FOXP2: variants seen among roughly 807,000 people sequenced by gnomAD.
FOXP2 encodes forkhead box P2.
FOXP2 carries 12 observed loss-of-function variants against 115.8 expected under a neutral mutation model. That is an observed-to-expected ratio of 0.10 (90% CI 0.07 to 0.17). FOXP2 has a LOEUF of 0.17. FOXP2 is among the 10% of genes least tolerant of loss of function. FOXP2 has a pLI of 1.00. For synonymous variants in FOXP2, 328 were observed against 297.7 expected, an observed-to-expected ratio of 1.10 and a Z score of -1.05; for missense variants, 629 against 843.5, an observed-to-expected ratio of 0.75 and a Z score of 3.15.
intron 1 of FOXP2, among the ~76,000 whole-genome samples, chr7:114,088,454 C>T (rs937760549): frequency 1.3e-4 from 20 of 152,184 alleles, no homozygotes; most frequent in African/African-American, 4.8e-4. Context: ...AAAGTGACGC[C>T]CTGTTGTCAA....
At chr7:114,634,248 G>A (rs1805091593) in intron 6 of FOXP2, among the ~76,000 whole-genome samples, 1 of 151,974 alleles carries the variant, frequency 6.6e-6, no homozygotes, top group African/African-American at 2.4e-5. Context: ...CGCCTGCCTC[G>A]GCCTCCCAAA....
rs1000906437 is a variant in FOXP2, at chr7:114,481,185, A to G, written c.169-53432A>G. ...GTCATTATGTGTATATAAAATTGCA[A>G]TCATCCCATTTCCTTTTGGAGTTTT... is the stretch of plus-strand genomic sequence containing the variant. On this transcript the variant is annotated intron_variant, in intron 2 of 16. Transcript: ENST00000350908. 2.0e-5 allele frequency among the ~76,000 whole-genome samples: 3 copies of G among 151,186 alleles called. No individual in the cohort carries two copies. The East Asian group carries it at 5.8e-4, about 29-fold the overall frequency.
At chr7:114,318,383 T>G (rs1797325504) in intron 2 of FOXP2, among the ~76,000 whole-genome samples, 2 of 115,078 alleles carry the variant, frequency 1.7e-5, no homozygotes, top group African/African-American at 4.3e-5. Context: ...CTCTTTGTTT[T>G]TTTTTTTTTT....
chr7:114,306,772 A>G (rs1299988835), intron 2 of FOXP2, among the ~76,000 whole-genome samples: 2 of 152,234 alleles, frequency 1.3e-5, no homozygotes, highest in South Asian at 2.1e-4. Context: ...GTGCAAGGGA[A>G]GAATCCGATT....
chr7:114,602,007 A>T (rs887984770), intron 3 of FOXP2, among the ~76,000 whole-genome samples: 1 of 152,054 alleles, frequency 6.6e-6, no homozygotes, highest in African/African-American at 2.4e-5. Context: ...TAGATCATGT[A>T]TTAATTGTGT....
chr7:114,319,647 T>C (rs1246452822), intron 2 of FOXP2, among the ~76,000 whole-genome samples: 8 of 152,086 alleles, frequency 5.3e-5, no homozygotes, highest in Admixed American at 4.6e-4. Flanking sequence ...CCCACCCCCA[T>C]GAATCAGTCA....
chr7:114,110,009 A>C (rs1404324176), intron 1 of FOXP2, among the ~76,000 whole-genome samples: 1 of 152,186 alleles, frequency 6.6e-6, no homozygotes, highest in African/African-American at 2.4e-5. Flanking sequence ...ACAACAACAA[A>C]AAAAGTCTTC....
intron 16 of FOXP2, among the ~76,000 whole-genome samples, chr7:114,684,608 T>C (rs1808261596): frequency 1.3e-5 from 2 of 152,210 alleles, no homozygotes; most frequent in Non-Finnish European, 2.9e-5. Flanking sequence ...AAGGTGCTAT[T>C]ATATTAACCT....
chr7:114,288,691 C>T lies in FOXP2; in HGVS notation c.-11+582C>T, dbSNP rs139416126. Among the ~76,000 whole-genome samples, 1,179 of 151,578 alleles carry T rather than the reference C, an allele frequency of 7.8e-3. 9 individuals are homozygous for T. The highest frequency in any genetic ancestry group is 0.034 in the Middle Eastern group (10 of 294). On this transcript the variant is annotated intron_variant, in intron 2 of 17. Transcript: ENST00000634411. ...TCATGATAGTTTTCTTTGATATGTA[C>T]AATGTTAACATATAAACTTTCTCAA...
At chr7:114,569,781 A>G (rs893236204) in intron 3 of FOXP2, among the ~76,000 whole-genome samples, 2 of 151,948 alleles carry the variant, frequency 1.3e-5, no homozygotes, top group Admixed American at 6.6e-5. Flanking sequence ...GCATGTAGTC[A>G]TGTAAAGCAT....
chr7:114,663,773 T>C (rs1161878315), intron 15 of FOXP2, among the ~76,000 whole-genome samples: 1 of 152,148 alleles, frequency 6.6e-6, no homozygotes. Flanking sequence ...TAGAAGCTTT[T>C]GCAAGTGCAT....
intron 2 of FOXP2, among the ~76,000 whole-genome samples, chr7:114,355,867 G>A (rs965168445): frequency 1.3e-5 from 2 of 151,992 alleles, no homozygotes; most frequent in Non-Finnish European, 2.9e-5. Flanking sequence ...TCCCTACTTT[G>A]TTATTTTGGC....
At chr7:114,443,496 G>A (rs1322686060) in intron 2 of FOXP2, among the ~76,000 whole-genome samples, 2 of 152,028 alleles carry the variant, frequency 1.3e-5, no homozygotes, top group Non-Finnish European at 2.9e-5. Flanking sequence ...GTGTCACGGC[G>A]TTTTAGTGTA....
chr7:114,134,712 C>A (rs1180155071), intron 1 of FOXP2, among the ~76,000 whole-genome samples: 23 of 112,276 alleles, frequency 2.0e-4, no homozygotes, highest in African/African-American at 7.2e-4. Flanking sequence ...GACTCCGTCT[C>A]AAAAAAAAAA....
At chr7:114,122,234 C>T (rs1236052764) in intron 1 of FOXP2, among the ~76,000 whole-genome samples, 1 of 152,050 alleles carries the variant, frequency 6.6e-6, no homozygotes, top group East Asian at 1.9e-4. Context: ...CCCATGAATG[C>T]TTCAGTTGTT....
At chr7:114,562,990 A>G (rs919052863) in intron 3 of FOXP2, among the ~76,000 whole-genome samples, 1 of 152,182 alleles carries the variant, frequency 6.6e-6, no homozygotes, top group African/African-American at 2.4e-5. Flanking sequence ...CCTCACAATC[A>G]TGGTGGAAGG....
At chr7:114,447,204 C>T (rs1794871561) in intron 2 of FOXP2, among the ~76,000 whole-genome samples, 1 of 152,048 alleles carries the variant, frequency 6.6e-6, no homozygotes, top group Non-Finnish European at 1.5e-5. Context: ...TGCTGCTTCC[C>T]ACTGTCCGAA....
intron 2 of FOXP2, among the ~76,000 whole-genome samples, chr7:114,366,203 A>T (rs540019157): frequency 6.6e-6 from 1 of 152,278 alleles, no homozygotes; most frequent in African/African-American, 2.4e-5. Context: ...CTATAGCCAC[A>T]GATTTGTGAC....
rs1259845830 is a variant in FOXP2 at position 114,691,017 on chromosome 7, G to T, written c.*1091G>T. On this transcript the variant is annotated 3_prime_UTR_variant, in exon 17 of 17. Coordinates refer to ENST00000350908, the MANE Select transcript of FOXP2 (RefSeq NM_014491.4). ...GCAATGAAGATTTGCTTTCATTAAAGACAGAGGTGAGGACAAAATCCGCAG... is the reference window on the plus strand; with the variant it reads ...GCAATGAAGATTTGCTTTCATTAAATACAGAGGTGAGGACAAAATCCGCAG... 4.4e-6 allele frequency: 2 copies of T among 454,260 alleles called. No homozygotes were observed. Among genetic ancestry groups the T allele is most frequent in the Non-Finnish European group, 8.8e-6 (2 of 226,756 alleles). 28.1% of individuals were successfully genotyped at this position (454,260 alleles called of 1,614,324 possible). A position where few individuals can be genotyped will look rare whatever the true frequency, so the allele number is the denominator to read the frequency against.
Sources: allele counts gnomAD v4.1 joint callset (sites outside exome capture counted in the v4.1 genomes callset), GRCh38; gene constraint gnomAD v4.1.1; transcripts MANE v1.5; gene names NCBI Gene and HGNC (gene_info 2026-07-23, HGNC 2026-07-21).